CDON: variants seen among roughly 807,000 people sequenced by gnomAD.
The protein encoded by CDON is cell adhesion molecule-related/down-regulated by oncogenes.
CDON carries 73 observed loss-of-function variants against 120.9 expected under a neutral mutation model. The observed-to-expected ratio is 0.60, with a 90% CI of 0.50 to 0.73. CDON has a LOEUF of 0.73. CDON is among the 30% of genes least tolerant of loss of function. The pLI, the probability that CDON is intolerant of heterozygous loss-of-function variation, is 0.00. For synonymous variants in CDON, 566 were observed against 573.5 expected (o/e 0.99, Z 0.19); for missense variants, 1,470 against 1,587.3 (o/e 0.93, Z 1.26).
intron 1 of CDON, among the ~76,000 whole-genome samples, chr11:126,024,467 C>T (rs1947732024): frequency 6.6e-6 from 1 of 152,152 alleles, no homozygotes. Flanking sequence ...ATGTCAAAGG[C>T]TTGGATATAG....
At chr11:125,964,174 A>G (rs1945726645) in intron 18 of CDON, among the ~76,000 whole-genome samples, 1 of 152,242 alleles carries the variant, frequency 6.6e-6, no homozygotes, top group Admixed American at 6.5e-5. Flanking sequence ...TACAGACTCT[A>G]AACGGGGTGA....
At chr11:125,981,369 C>G (rs1946294403) in intron 16 of CDON, 40 bp from the exon 17 acceptor site, 1 of 1,585,906 alleles carries the variant, frequency 6.3e-7, no homozygotes, top group South Asian at 1.1e-5. Flanking sequence ...CGCACACACA[C>G]ACACGCACGC....
chr11:126,011,452 CTGGTCAGAACA>C lies in CDON; in HGVS notation c.1199-769_1199-759del, dbSNP rs370887359. On this transcript the variant is annotated intron_variant, in intron 7 of 19. Transcript: ENST00000531738. ...CTACTGAGTGTAAAATGCTATCTCA[CTGGTCAGAACA>C]TGCATTTTCCTGAGGACTAATGAGG... is the stretch of plus-strand genomic sequence containing the variant. 4.3e-4 allele frequency among the ~76,000 whole-genome samples: 66 copies of C among 152,320 alleles called. 2 individuals carry two copies. Among genetic ancestry groups the C allele is most frequent in the African/African-American group, 1.5e-3 (62 of 41,558 alleles).
In CDON at chr11:126,017,208, T is replaced by C. The variant is rs1314339607; in HGVS notation, c.808A>G (p.Arg270Gly). 6.2e-7 allele frequency: 1 copy of C among 1,614,070 alleles called. No individual in the cohort carries two copies. Reference protein sequence around the residue: ...QDIAPGSNWRRLYSHLATDSV... With the variant: ...QDIAPGSNWRGLYSHLATDSV... The stretch of plus-strand genomic sequence containing the variant: ...TCAGTGGCAAGATGAGAATACAACC[T>C]TCTCCAGTTGCTTCCTGGTGCAATG... Residue 270 changes from arginine (R) to glycine (G), a missense_variant, in exon 6 of 20, where the codon AGG (arginine) becomes GGG (glycine). Transcript: ENST00000531738.
Position 125,986,269 on chromosome 11 carries a change from G to A in CDON, c.2774-2176C>T, listed in dbSNP as rs559798331. On this transcript the variant is annotated intron_variant, in intron 15 of 19. Transcript: ENST00000531738. ...CAATGAGAACCCTCGGACACAGGGCGGGGAACATCACACACTGGGGCCTGT... is the reference window on the plus strand; with the variant it reads ...CAATGAGAACCCTCGGACACAGGGCAGGGAACATCACACACTGGGGCCTGT... Among the ~76,000 whole-genome samples, 7 of 152,220 alleles carry A rather than the reference G, an allele frequency of 4.6e-5. 1 individual carries two copies. Among genetic ancestry groups the A allele is most frequent in the African/African-American group, 1.2e-4 (5 of 41,546 alleles).
In CDON at chr11:125,961,001, G is replaced by T. The variant is rs777682588; in HGVS notation, c.3736C>A (p.Pro1246Thr). 6.2e-7 allele frequency: 1 copy of T among 1,614,170 alleles called. No individual in the cohort carries two copies. Among genetic ancestry groups the T allele is most frequent in the South Asian group, 1.1e-5 (1 of 91,084 alleles). The change falls in exon 20 of 20, where the codon CCA becomes ACA. Residue 1246 changes from proline to threonine, a missense_variant. Physicochemically the swap from Pro to Thr is conservative, Grantham distance 38. Coordinates refer to ENST00000531738, the MANE Select transcript of CDON (RefSeq NM_001378964.1). ...EGCAEKTMWSPPGIPLDSPTE... is the reference protein window; with the variant it reads ...EGCAEKTMWSTPGIPLDSPTE... The stretch of plus-strand genomic sequence containing the variant: ...GGGCTGTCTAAAGGAATGCCAGGTG[G>T]AGACCACATTGTCTTCTCAGCACAG...
intron 1 of CDON, among the ~76,000 whole-genome samples, chr11:126,052,034 A>G (rs1401693816): frequency 1.3e-5 from 2 of 152,228 alleles, no homozygotes; most frequent in Non-Finnish European, 2.9e-5. Context: ...ATAGGAAACC[A>G]CAGTTAACAG....
At chr11:126,046,598 A>C (rs942349391) in intron 1 of CDON, among the ~76,000 whole-genome samples, 4 of 152,218 alleles carry the variant, frequency 2.6e-5, no homozygotes, top group Admixed American at 2.6e-4. Flanking sequence ...CAGCTGAAAA[A>C]GGGCGACGGT....
chr11:126,007,316 T>G (rs1161439399), intron 8 of CDON, among the ~76,000 whole-genome samples: 1 of 152,174 alleles, frequency 6.6e-6, no homozygotes, highest in African/African-American at 2.4e-5. Flanking sequence ...AGAGAAAGGG[T>G]GTCCCAGAAG....
At chr11:125,973,691 C>T (rs1210604248) in intron 18 of CDON, among the ~76,000 whole-genome samples, 1 of 152,162 alleles carries the variant, frequency 6.6e-6, no homozygotes, top group African/African-American at 2.4e-5. Context: ...AGGATTCAGG[C>T]ATTCTGTTTT....
At chr11:125,971,410 A>T (rs866885484) in intron 18 of CDON, among the ~76,000 whole-genome samples, 4,806 of 150,846 alleles carry the variant, frequency 0.032, 222 homozygotes, top group African/African-American at 0.11. Context: ...AAATAAATAA[A>T]TAATAATAAT....
At chr11:125,963,817 G>A (rs1191359570) in intron 18 of CDON, among the ~76,000 whole-genome samples, 1 of 152,116 alleles carries the variant, frequency 6.6e-6, no homozygotes, top group African/African-American at 2.4e-5. Context: ...GCAAAAAAAT[G>A]CCTGATTTAG....
chr11:126,044,077 C>T (rs1212171887), intron 1 of CDON, among the ~76,000 whole-genome samples: 1 of 152,248 alleles, frequency 6.6e-6, no homozygotes, highest in Non-Finnish European at 1.5e-5. Context: ...TAAAAAGAAA[C>T]GTGGGAGATT....
At chr11:126,041,848 T>A (rs1267225677) in intron 1 of CDON, among the ~76,000 whole-genome samples, 1 of 152,208 alleles carries the variant, frequency 6.6e-6, no homozygotes, top group Non-Finnish European at 1.5e-5. Context: ...AGCTTGCATG[T>A]GAGTTGTTCC....
rs1945613289 is a variant in CDON, at chr11:125,960,516, A to C, written c.*426T>G. On this transcript the variant is annotated 3_prime_UTR_variant, in exon 20 of 20. Coordinates refer to ENST00000531738, the MANE Select transcript of CDON (RefSeq NM_001378964.1). ...AAAAACAAACAAAAAAAAGTCTGAG[A>C]ATACACTATTGAAAGACCATTTTCC... is the stretch of plus-strand genomic sequence containing the variant. The C allele has an allele frequency of 5.1e-6, 1 of 196,404 alleles. No homozygotes were observed. Among genetic ancestry groups the C allele is most frequent in the Non-Finnish European group, 1.0e-5 (1 of 95,786 alleles). The allele number at this position is 196,404 out of a possible 1,614,324, so 12.2% of individuals were successfully genotyped here.
At chr11:125,961,271 G>A (rs971640239) in intron 19 of CDON, among the ~76,000 whole-genome samples, 166 bp from the exon 20 acceptor site, 2 of 152,086 alleles carry the variant, frequency 1.3e-5, no homozygotes, top group South Asian at 2.1e-4. Context: ...AGGTTTAAAA[G>A]GTTTAAAATA....
chr11:125,960,104 C>T lies in CDON; in HGVS notation c.*838G>A, dbSNP rs1246531266. ...GTGCAGATACAAAGTCAACAGGTCA[C>T]ATTACCACTTCTGTGGAAGGCACTC... On this transcript the variant is annotated 3_prime_UTR_variant, in exon 20 of 20. Coordinates refer to ENST00000531738, the MANE Select transcript of CDON (RefSeq NM_001378964.1). 6.6e-6 allele frequency: 1 copy of T among 152,222 alleles called. No homozygotes were observed. Among genetic ancestry groups the T allele is most frequent in the Admixed American group, 6.5e-5 (1 of 15,286 alleles). 9.4% of individuals were successfully genotyped at this position (152,222 alleles called of 1,614,324 possible).
intron 1 of CDON, among the ~76,000 whole-genome samples, chr11:126,040,781 C>G (rs1021842090): frequency 4.0e-5 from 5 of 126,218 alleles, no homozygotes; most frequent in Non-Finnish European, 7.9e-5. Flanking sequence ...TGCCACTGCA[C>G]TCCAGCTCGG....
chr11:126,044,750 G>A (rs142368002), intron 1 of CDON, among the ~76,000 whole-genome samples: 2 of 152,128 alleles, frequency 1.3e-5, no homozygotes, highest in Admixed American at 1.3e-4. Flanking sequence ...CAGAAGGGCA[G>A]CAGGGAGGTG....
Sources: allele counts gnomAD v4.1 joint callset (sites outside exome capture counted in the v4.1 genomes callset), GRCh38; gene constraint gnomAD v4.1.1; transcripts MANE v1.5; gene names NCBI Gene and HGNC (gene_info 2026-07-23, HGNC 2026-07-21).